The following UNC13C variants were observed in gnomAD, a reference collection of about 807,000 sequenced individuals.
The protein encoded by UNC13C is protein unc-13 homolog C.
Under a neutral mutation model 245.4 loss-of-function variants are expected in UNC13C, and 174 were observed. The ratio of observed to expected loss-of-function variants is 0.71; its 90% CI spans 0.63 to 0.80. The LOEUF (loss-of-function observed/expected upper bound fraction) is 0.80, where lower values mean the gene tolerates loss of function less well. Among genes scored for constraint, UNC13C ranks in the 30% least tolerant of loss-of-function variants. The pLI is 0.00. For synonymous variants in UNC13C, 992 were observed against 895.1 expected, an observed-to-expected ratio of 1.11 and a Z score of -1.93; for missense variants, 2,829 against 2,602.9, an observed-to-expected ratio of 1.09 and a Z score of -1.89.
At chr15:54,394,463 G>A (rs1036060535) in intron 18 of UNC13C, among the ~76,000 whole-genome samples, 6 of 151,562 alleles carry the variant, frequency 4.0e-5, no homozygotes, top group African/African-American at 1.2e-4. Context: ...ATAACATGTC[G>A]TCATCGCATC....
chr15:54,506,579 G>A (rs1016247407), intron 22 of UNC13C, among the ~76,000 whole-genome samples: 2 of 152,002 alleles, frequency 1.3e-5, no homozygotes, highest in South Asian at 4.1e-4. Context: ...GGATTTCATT[G>A]TGATTTTCAA....
chr15:54,211,960 G>A (rs927780126), intron 4 of UNC13C, among the ~76,000 whole-genome samples: 1 of 151,968 alleles, frequency 6.6e-6, no homozygotes, highest in African/African-American at 2.4e-5. Context: ...CCGTTTTGCT[G>A]GCTTATTCAC....
At chr15:54,593,217 C>T (rs993972973) in intron 30 of UNC13C, among the ~76,000 whole-genome samples, 3 of 152,164 alleles carry the variant, frequency 2.0e-5, no homozygotes, top group Non-Finnish European at 4.4e-5. Flanking sequence ...TTACCTGGTG[C>T]TTCTGTCTCA....
chr15:54,435,388 C>T (rs2040961101), intron 19 of UNC13C, among the ~76,000 whole-genome samples: 1 of 151,956 alleles, frequency 6.6e-6, no homozygotes, highest in African/African-American at 2.4e-5. Context: ...CCATGGAATA[C>T]ATACAGCCAT....
the UNC13C span, among the ~76,000 whole-genome samples, chr15:53,888,323 CAT>C: frequency 2.0e-5 from 3 of 152,214 alleles, no homozygotes; most frequent in South Asian, 6.2e-4. Flanking sequence ...AACATTTTTT[CAT>C]ATGTTTGTTG....
the UNC13C span, among the ~76,000 whole-genome samples, chr15:53,970,477 A>C: frequency 6.6e-6 from 1 of 152,196 alleles, no homozygotes; most frequent in South Asian, 2.1e-4. Flanking sequence ...CCTCTTGGCT[A>C]TTGTGAATAA....
intron 4 of UNC13C, among the ~76,000 whole-genome samples, chr15:54,210,348 A>G (rs979507758): frequency 7.3e-5 from 11 of 151,594 alleles, no homozygotes; most frequent in African/African-American, 2.7e-4. Context: ...CACTAATTAG[A>G]TGATTAATGT....
chr15:54,148,056 A>G (rs895020428), intron 4 of UNC13C, among the ~76,000 whole-genome samples: 2 of 152,142 alleles, frequency 1.3e-5, no homozygotes. Flanking sequence ...TTCAACCTCT[A>G]CCAGAATGAT....
At chr15:54,155,039 A>G (rs973942191) in intron 4 of UNC13C, among the ~76,000 whole-genome samples, 2 of 152,222 alleles carry the variant, frequency 1.3e-5, no homozygotes, top group Non-Finnish European at 2.9e-5. Context: ...ACCTGTTCCA[A>G]TCTTAATGTC....
At chr15:54,512,679 T>G (rs1261648563) in intron 24 of UNC13C, among the ~76,000 whole-genome samples, 1 of 152,202 alleles carries the variant, frequency 6.6e-6, no homozygotes, top group Non-Finnish European at 1.5e-5. Context: ...GTCAAGAATA[T>G]GTAGATATAT....
At chr15:54,467,960 T>C (rs575327383) in intron 19 of UNC13C, among the ~76,000 whole-genome samples, 4 of 151,744 alleles carry the variant, frequency 2.6e-5, no homozygotes, top group African/African-American at 9.7e-5. Context: ...CTGATTTCAA[T>C]TCCTTTGGCT....
At chr15:54,305,712 T>C (rs952459833) in intron 13 of UNC13C, among the ~76,000 whole-genome samples, 3 of 151,894 alleles carry the variant, frequency 2.0e-5, no homozygotes, top group Non-Finnish European at 4.4e-5. Flanking sequence ...TCCTCTTAAT[T>C]CTTAAAAAAA....
intron 18 of UNC13C, among the ~76,000 whole-genome samples, chr15:54,405,995 G>A (rs761822412): frequency 2.4e-4 from 1 of 4,114 alleles, no homozygotes; most frequent in Non-Finnish European, 4.1e-4. Context: ...AGAGAAGTGT[G>A]GGGGGGGAAA....
At chr15:54,157,682 A>G (rs2032808726) in intron 4 of UNC13C, among the ~76,000 whole-genome samples, 1 of 152,198 alleles carries the variant, frequency 6.6e-6, no homozygotes, top group African/African-American at 2.4e-5. Context: ...TAAAACATGT[A>G]TAGTTCACTA....
rs1595738732 is a variant in UNC13C at position 54,030,319 on chromosome 15, T to G, written c.2983+14433T>G. 1.3e-5 allele frequency among the ~76,000 whole-genome samples: 2 copies of G among 152,294 alleles called. 1 individual carries two copies. The highest frequency in any genetic ancestry group is 4.1e-4 in the South Asian group (2 of 4,824). On this transcript the variant is annotated intron_variant, in intron 2 of 32. Transcript: ENST00000260323. ...ATTAAGCTGAATGTTACTTACTTAG[T>G]TAACGCCCCTTAAGCAGAGCCAGTA...
rs144026240 is a variant in UNC13C at position 54,513,511 on chromosome 15, C to T, written c.5457+1681C>T. Among the ~76,000 whole-genome samples the T allele has an allele frequency of 2.5e-3, 384 of 152,204 alleles. 3 individuals are homozygous for T. Among genetic ancestry groups the T allele is most frequent in the African/African-American group, 8.5e-3 (352 of 41,550 alleles). On this transcript the variant is annotated intron_variant, in intron 24 of 32. Transcript: ENST00000260323. Reference sequence around the variant, plus strand: ...AAATGTTATAAAGTGGCTTGTTCACCAATCAAAAATGAATTCCTTATTTCA... The same window carrying T: ...AAATGTTATAAAGTGGCTTGTTCACTAATCAAAAATGAATTCCTTATTTCA...
intron 2 of UNC13C, among the ~76,000 whole-genome samples, chr15:54,062,692 A>G (rs1171447134): frequency 1.3e-5 from 2 of 152,202 alleles, no homozygotes. Flanking sequence ...CTTGATAGTC[A>G]TGCAAAATTT....
chr15:54,348,768 C>T (rs1172955189), intron 17 of UNC13C, among the ~76,000 whole-genome samples: 5 of 152,044 alleles, frequency 3.3e-5, no homozygotes, highest in Non-Finnish European at 7.4e-5. Flanking sequence ...CTAAATAATT[C>T]AGCAATGAAA....
At chr15:54,021,443 T>C (rs1895900166) in intron 2 of UNC13C, among the ~76,000 whole-genome samples, 3 of 152,218 alleles carry the variant, frequency 2.0e-5, no homozygotes, top group African/African-American at 7.2e-5. Flanking sequence ...GATCATACAA[T>C]ACTTTTCTTC....
Sources: allele counts gnomAD v4.1 joint callset (sites outside exome capture counted in the v4.1 genomes callset), GRCh38; gene constraint gnomAD v4.1.1; transcripts MANE v1.5; gene names NCBI Gene and HGNC (gene_info 2026-07-23, HGNC 2026-07-21).